Variants in NDST4 observed in about 807,000 individuals in gnomAD.
NDST4 encodes the protein N-heparan sulfate sulfotransferase 4.
In NDST4, 63 loss-of-function variants were observed where a neutral mutation model predicts 100.8. That is an observed-to-expected ratio of 0.62 (90% confidence interval 0.51 to 0.77). NDST4 has a LOEUF of 0.77. Among genes scored for constraint, NDST4 ranks in the 30% least tolerant of loss-of-function variants. NDST4 has a pLI of 0.00. For missense variants in NDST4, 943 were observed against 1,018.4 expected (o/e 0.93, Z 1.01); for synonymous variants, 377 against 361.8 (o/e 1.04, Z -0.48).
intron 2 of NDST4, among the ~76,000 whole-genome samples, chr4:115,033,129 G>GTATATA (rs1728149735): frequency 3.6e-5 from 2 of 55,896 alleles, no homozygotes; most frequent in African/African-American, 1.4e-4. Context: ...ATATATATAT[G>GTATATA]TGTATATATA....
intron 2 of NDST4, among the ~76,000 whole-genome samples, chr4:115,055,211 A>G (rs556520028): frequency 6.6e-6 from 1 of 152,162 alleles, no homozygotes; most frequent in Non-Finnish European, 1.5e-5. Flanking sequence ...GCAGGGAAAC[A>G]AGCTTAGGGC....
chr4:115,068,627 T>G, intron 2 of NDST4, among the ~76,000 whole-genome samples: 1 of 135,464 alleles, frequency 7.4e-6, no homozygotes, highest in African/African-American at 2.8e-5. Flanking sequence ...GCTAACACGG[T>G]GAAACCCCAT....
At chr4:115,037,873 A>G (rs1310000674) in intron 2 of NDST4, among the ~76,000 whole-genome samples, 1 of 152,164 alleles carries the variant, frequency 6.6e-6, no homozygotes, top group Non-Finnish European at 1.5e-5. Context: ...CTGTGAGTAA[A>G]TATTTGAAAA....
chr4:114,918,609 T>G (rs1477489538), intron 6 of NDST4, among the ~76,000 whole-genome samples: 1 of 151,476 alleles, frequency 6.6e-6, no homozygotes, highest in African/African-American at 2.4e-5. Flanking sequence ...CCGAACAAGT[T>G]CCTGTTGTCA....
At chr4:115,031,245 AT>A (rs928466234) in intron 2 of NDST4, among the ~76,000 whole-genome samples, 10 of 151,926 alleles carry the variant, frequency 6.6e-5, no homozygotes, top group African/African-American at 2.4e-4. Flanking sequence ...TGTTGTTGTC[AT>A]TGTTGTTTTT....
intron 1 of NDST4, among the ~76,000 whole-genome samples, chr4:115,079,081 G>A (rs1729249966): frequency 6.6e-6 from 1 of 152,006 alleles, no homozygotes; most frequent in Non-Finnish European, 1.5e-5. Flanking sequence ...TACAGGCACG[G>A]TGGCTCAGGC....
At chr4:114,927,219 TG>T (rs1298262361) in intron 6 of NDST4, among the ~76,000 whole-genome samples, 1 of 75,260 alleles carries the variant, frequency 1.3e-5, no homozygotes, top group African/African-American at 1.3e-4. Context: ...ACTTGATTTG[TG>T]TGTGTGTGTG....
rs1236187476 is a variant in NDST4, at chr4:115,007,787, G to C, written c.979-30513C>G. Among the ~76,000 whole-genome samples the C allele has an allele frequency of 2.3e-5, 3 of 129,520 alleles. 1 individual carries two copies. The Admixed American group carries it at 2.4e-4, about 10-fold the overall frequency. The allele number at this position is 129,520 out of a possible 152,430, so 85.0% of individuals were successfully genotyped here. A position where few individuals can be genotyped will look rare whatever the true frequency, so the allele number is the denominator to read the frequency against. On this transcript the variant is annotated intron_variant, in intron 2 of 13. Transcript: ENST00000264363. The stretch of plus-strand genomic sequence containing the variant: ...TCTGGAATATGTTCAGCAGGTCCAA[G>C]CATTTCCCTTTGCTTCTCTGAAAGA...
At chr4:115,040,094 T>C (rs1359433863) in intron 2 of NDST4, among the ~76,000 whole-genome samples, 2 of 151,810 alleles carry the variant, frequency 1.3e-5, no homozygotes, top group Admixed American at 6.6e-5. Context: ...TTTGCAAAGA[T>C]CAAATAAAAC....
intron 1 of NDST4, among the ~76,000 whole-genome samples, chr4:115,100,127 T>C (rs1729700362): frequency 6.6e-6 from 1 of 151,928 alleles, no homozygotes; most frequent in Non-Finnish European, 1.5e-5. Flanking sequence ...ATAGAGTGAG[T>C]GAAAGGATCG....
chr4:115,075,784 G>GAAAAAAAA lies in NDST4; in HGVS notation c.978+267_978+274dup, dbSNP rs56658909. On this transcript the variant is annotated intron_variant, in intron 2 of 13. Transcript: ENST00000264363. ...GGGCGACAGAGCAAGAGTCTGTTCA[G>GAAAAAAAA]AAAAAAAAAAAAAAAAAAAGGCAAA... is the stretch of plus-strand genomic sequence containing the variant. 2.6e-4 allele frequency among the ~76,000 whole-genome samples: 23 copies of GAAAAAAAA among 87,406 alleles called. 4 individuals are homozygous for GAAAAAAAA. The highest frequency in any genetic ancestry group is 6.8e-4 in the African/African-American group (14 of 20,676). The allele number at this position is 87,406 out of a possible 152,430, so 57.3% of individuals were successfully genotyped here.
chr4:115,108,822 A>G (rs1729883378), intron 1 of NDST4, among the ~76,000 whole-genome samples: 1 of 151,854 alleles, frequency 6.6e-6, no homozygotes, highest in Non-Finnish European at 1.5e-5. Context: ...CATTTTCCCC[A>G]CTTACTCTGT....
intron 6 of NDST4, among the ~76,000 whole-genome samples, chr4:114,922,214 T>C (rs1369258436): frequency 2.6e-5 from 4 of 152,130 alleles, no homozygotes; most frequent in Non-Finnish European, 5.9e-5. Context: ...TGATAAGATC[T>C]CAGGAGTGAA....
At chr4:115,023,966 C>T (rs753127583) in intron 2 of NDST4, among the ~76,000 whole-genome samples, 3 of 151,508 alleles carry the variant, frequency 2.0e-5, no homozygotes. Context: ...CCTAGCCACG[C>T]TCAAGTGGCC....
chr4:115,068,828 A>G (rs548071127), intron 2 of NDST4, among the ~76,000 whole-genome samples: 1 of 151,734 alleles, frequency 6.6e-6, no homozygotes, highest in Non-Finnish European at 1.5e-5. Context: ...AAAAAAAAAA[A>G]AAAAGAAAAG....
At chr4:114,938,737 G>A (rs1256244256) in intron 4 of NDST4, among the ~76,000 whole-genome samples, 3 of 152,170 alleles carry the variant, frequency 2.0e-5, no homozygotes, top group Non-Finnish European at 4.4e-5. Context: ...ACTCAGTTCA[G>A]AAGATGAACC....
chr4:114,899,260 C>T (rs145883908), intron 6 of NDST4, among the ~76,000 whole-genome samples: 33 of 152,292 alleles, frequency 2.2e-4, no homozygotes, highest in Middle Eastern at 6.8e-3. Context: ...TCACTGCAAC[C>T]TCCGCCTCCC....
chr4:114,928,824 TC>T (rs1209779322), intron 6 of NDST4, among the ~76,000 whole-genome samples: 1 of 152,116 alleles, frequency 6.6e-6, no homozygotes, highest in East Asian at 1.9e-4. Context: ...TTTTTTCTTC[TC>T]TGCCTTTGAA....
At chr4:115,031,269 T>C (rs1193141779) in intron 2 of NDST4, among the ~76,000 whole-genome samples, 1 of 152,046 alleles carries the variant, frequency 6.6e-6, no homozygotes, top group African/African-American at 2.4e-5. Context: ...TGCCTCCTGC[T>C]CCAGACATGT....
Sources: allele counts gnomAD v4.1 joint callset (sites outside exome capture counted in the v4.1 genomes callset), GRCh38; gene constraint gnomAD v4.1.1; transcripts MANE v1.5; gene names NCBI Gene and HGNC (gene_info 2026-07-23, HGNC 2026-07-21).